The following FBXL2 variants were observed in gnomAD, a reference collection of about 807,000 sequenced individuals.
FBXL2 encodes F-box/LRR-repeat protein 2.
In FBXL2, 38 loss-of-function variants were observed where a neutral mutation model predicts 69.2. That is an observed-to-expected ratio of 0.55 (90% confidence interval 0.42 to 0.72). FBXL2 has a LOEUF of 0.72. Ranked by LOEUF, FBXL2 falls within the 30% of genes least tolerant of loss-of-function variation. FBXL2 has a pLI of 0.00. For missense variants in FBXL2, 354 were observed against 520.3 expected (o/e 0.68, Z 3.11); for synonymous variants, 192 against 201.3 (o/e 0.95, Z 0.39).
intron 2 of FBXL2, among the ~76,000 whole-genome samples, chr3:33,342,004 C>CTTTTTTT (rs538123970): frequency 9.1e-6 from 1 of 109,814 alleles, no homozygotes; most frequent in Non-Finnish European, 1.8e-5. Flanking sequence ...TTTTCTTTAT[C>CTTTTTTT]TTTTTTTTTT....
At chr3:33,296,815 C>T (rs2035788890) in intron 1 of FBXL2, among the ~76,000 whole-genome samples, 1 of 152,168 alleles carries the variant, frequency 6.6e-6, no homozygotes, top group South Asian at 2.1e-4. Context: ...ATTTCAAAAT[C>T]TGGAAGTTTG....
downstream of FBXL2, chr3:33,392,922 A>T (rs538520822): frequency 1.2e-5 from 4 of 347,148 alleles, no homozygotes; most frequent in South Asian, 1.7e-4. Context: ...TTCTATTATT[A>T]CTTGCCACCA....
chr3:33,363,727 T>C (rs1340320208), intron 4 of FBXL2, among the ~76,000 whole-genome samples: 1 of 152,206 alleles, frequency 6.6e-6, no homozygotes, highest in African/African-American at 2.4e-5. Context: ...CACATACTCT[T>C]TCTTACCTCC....
intron 12 of FBXL2, among the ~76,000 whole-genome samples, chr3:33,401,233 C>T (rs2044218040): frequency 6.6e-6 from 1 of 151,982 alleles, no homozygotes; most frequent in Admixed American, 6.6e-5. Flanking sequence ...TTAATTTGTG[C>T]CTTCTTCATC....
downstream of FBXL2, chr3:33,391,857 T>G (rs183067494): frequency 3.3e-5 from 5 of 152,450 alleles, no homozygotes; most frequent in Admixed American, 3.3e-4. Context: ...CCAATGCATT[T>G]CAAGTAAATC....
At chr3:33,379,580 CCT>C (rs1161631562) in intron 13 of FBXL2, among the ~76,000 whole-genome samples, 1 of 151,606 alleles carries the variant, frequency 6.6e-6, no homozygotes, top group African/African-American at 2.4e-5. Flanking sequence ...GTCTCGAACT[CCT>C]GACCTCAAGT....
Position 33,373,111 on chromosome 3 carries a change from C to G in FBXL2, c.310C>G (p.Arg104Gly). The stretch of plus-strand genomic sequence containing the variant: ...TTTTAGGACCTTTGCACAGAACTGC[C>G]GAAACATTGAACATTTGAACCTCAA... ...SSLKTFAQNC[R>G]NIEHLNLNGC... Residue 104 changes from arginine to glycine, a missense_variant, in exon 6 of 15, where the codon CGA becomes GGA. Coordinates refer to ENST00000484457, the MANE Select transcript of FBXL2 (RefSeq NM_012157.5). The G allele has an allele frequency of 6.2e-7, 1 of 1,613,936 alleles. No homozygotes were observed. The highest frequency in any genetic ancestry group is 8.5e-7 in the Non-Finnish European group (1 of 1,179,994).
intron 2 of FBXL2, among the ~76,000 whole-genome samples, chr3:33,327,877 C>T (rs1052185969): frequency 1.3e-5 from 2 of 151,290 alleles, no homozygotes; most frequent in East Asian, 1.9e-4. Flanking sequence ...GAAAGGGCAT[C>T]CAAATTGGAA....
chr3:33,292,381 A>G lies in FBXL2; in HGVS notation c.4-5283A>G, dbSNP rs529912682. On this transcript the variant is annotated intron_variant, in intron 1 of 14. Transcript: ENST00000484457. Reference sequence around the variant, plus strand: ...GTGACAGAGCAATCCTCTGTCTCAAACAAACAAACAAAACAAATTTGTGTG... The same window carrying G: ...GTGACAGAGCAATCCTCTGTCTCAAGCAAACAAACAAAACAAATTTGTGTG... Among the ~76,000 whole-genome samples, 3 of 152,314 alleles carry G rather than the reference A, an allele frequency of 2.0e-5. No homozygotes were observed. The South Asian group carries it at 6.2e-4, about 32-fold the overall frequency.
intron 2 of FBXL2, among the ~76,000 whole-genome samples, chr3:33,319,691 GA>G (rs1184660706): frequency 6.6e-6 from 1 of 152,148 alleles, no homozygotes. Context: ...ATTTCCAAAA[GA>G]AGGTATCATA....
At chr3:33,415,499 T>C in the FBXL2 span, among the ~76,000 whole-genome samples, 9 of 152,226 alleles carry the variant, frequency 5.9e-5, no homozygotes, top group African/African-American at 1.4e-4. Context: ...TGAGAACTTA[T>C]GAGAACTCAT....
chr3:33,281,199 C>A (rs553695077), intron 1 of FBXL2, among the ~76,000 whole-genome samples: 62 of 152,266 alleles, frequency 4.1e-4, no homozygotes, highest in Non-Finnish European at 7.6e-4. Flanking sequence ...CCGCCCTCCC[C>A]CTACCCCTCA....
intron 4 of FBXL2, among the ~76,000 whole-genome samples, chr3:33,360,032 C>A (rs989363972): frequency 1.3e-5 from 2 of 152,068 alleles, no homozygotes; most frequent in Non-Finnish European, 2.9e-5. Context: ...AAAAAAAGAG[C>A]ATTGTACTTA....
intron 3 of FBXL2, 87 bp from the exon 4 acceptor site, chr3:33,359,196 T>G: frequency 1.7e-6 from 2 of 1,210,422 alleles, no homozygotes; most frequent in Non-Finnish European, 2.3e-6. Context: ...AGTTTGGAAA[T>G]AAAGGTTAAT....
chr3:33,402,473 C>T (rs1336267760), intron 12 of FBXL2, among the ~76,000 whole-genome samples: 1 of 152,230 alleles, frequency 6.6e-6, no homozygotes, highest in Non-Finnish European at 1.5e-5. Context: ...AATAAACTCA[C>T]TTTGTCCCTC....
Position 33,386,544 on chromosome 3 carries a change from A to AGTT in FBXL2, c.*937_*939dup, listed in dbSNP as rs2043446584. 1 of 152,022 alleles carries AGTT rather than the reference A, an allele frequency of 6.6e-6. No individual in the cohort carries two copies. Among genetic ancestry groups the AGTT allele is most frequent in the African/African-American group, 2.4e-5 (1 of 41,364 alleles). The allele number at this position is 152,022 out of a possible 1,614,324, so 9.4% of individuals were successfully genotyped here. On this transcript the variant is annotated 3_prime_UTR_variant, in exon 15 of 15. Transcript: ENST00000484457. ...TCAGGTTACACCATAGCTACTCAAA[A>AGTT]GTTTTACACACTTAAAACTCAGATC...
chr3:33,415,743 G>A, the FBXL2 span, among the ~76,000 whole-genome samples: 1 of 150,430 alleles, frequency 6.6e-6, no homozygotes, highest in Admixed American at 6.6e-5. Flanking sequence ...CTTTTACACT[G>A]ATACATTAAC....
At chr3:33,288,649 G>A (rs1456777693) in intron 1 of FBXL2, among the ~76,000 whole-genome samples, 1 of 152,220 alleles carries the variant, frequency 6.6e-6, no homozygotes, top group African/African-American at 2.4e-5. Context: ...TGCCTGGTGT[G>A]TTGGATGAAC....
At chr3:33,326,647 G>C (rs563461454) in intron 2 of FBXL2, among the ~76,000 whole-genome samples, 1 of 151,726 alleles carries the variant, frequency 6.6e-6, no homozygotes, top group Non-Finnish European at 1.5e-5. Flanking sequence ...TTGATGTTCT[G>C]GTAAAATAAT....
Sources: allele counts gnomAD v4.1 joint callset (sites outside exome capture counted in the v4.1 genomes callset), GRCh38; gene constraint gnomAD v4.1.1; transcripts MANE v1.5; gene names NCBI Gene and HGNC (gene_info 2026-07-23, HGNC 2026-07-21).